AGBL5: variants seen among roughly 807,000 people sequenced by gnomAD.
AGBL5 encodes AGBL carboxypeptidase 5, also known as cytosolic carboxypeptidase-like protein 5.
AGBL5 carries 51 observed loss-of-function variants against 88.0 expected under a neutral mutation model. The observed-to-expected ratio is 0.58, with a 90% CI of 0.46 to 0.73. AGBL5 has a LOEUF of 0.73. AGBL5 is among the 30% of genes least tolerant of loss of function. AGBL5 has a pLI of 0.00. For missense variants in AGBL5, 1,031 were observed against 1,162.2 expected (o/e 0.89, Z 1.64); for synonymous variants, 446 against 438.8 (o/e 1.02, Z -0.21).
intron 11 of AGBL5, among the ~76,000 whole-genome samples, chr2:27,066,506 A>G (rs1668995861): frequency 6.6e-6 from 1 of 152,180 alleles, no homozygotes; most frequent in Non-Finnish European, 1.5e-5. Flanking sequence ...TTTAAGAGTA[A>G]GTAGAGCAGG....
At chr2:27,065,013 C>T (rs1035285364) in intron 11 of AGBL5, among the ~76,000 whole-genome samples, 4 of 152,000 alleles carry the variant, frequency 2.6e-5, no homozygotes, top group Non-Finnish European at 4.4e-5. Context: ...CTCAGCCTCC[C>T]AAAGTGGTGG....
At position 27,070,387 on chromosome 2, in the gene AGBL5, C is replaced by T. The variant is rs1181263814; in HGVS notation, c.*124C>T. The T allele has an allele frequency of 1.1e-5, 11 of 1,023,656 alleles. No homozygotes were observed. The highest frequency in any genetic ancestry group is 1.0e-4 in the East Asian group (4 of 39,622). The allele number at this position is 1,023,656 out of a possible 1,614,324, so 63.4% of individuals were successfully genotyped here. On this transcript the variant is annotated 3_prime_UTR_variant, in exon 15 of 15. Coordinates refer to ENST00000360131, the MANE Select transcript of AGBL5 (RefSeq NM_021831.6). ...CGTTAAGTCCTTGGAATGCCAGCCA[C>T]GCTGTCCAAGGCATTACAGAGTATC...
chr2:27,069,861 C>A (rs1027861637), intron 14 of AGBL5, 155 bp downstream of exon 14: 17 of 984,760 alleles, frequency 1.7e-5, no homozygotes, highest in Non-Finnish European at 2.0e-5. Context: ...TTTTTTTTTC[C>A]CCCACCATGG....
chr2:27,052,886 C>T, intron 1 of AGBL5, 27 bp from the exon 2 acceptor site: 5 of 1,379,998 alleles, frequency 3.6e-6, no homozygotes, highest in Non-Finnish European at 3.9e-6. Context: ...CCCTTTCCTC[C>T]TTAACCTAAC....
intron 6 of AGBL5, 88 bp downstream of exon 6, chr2:27,055,341 T>C: frequency 6.6e-7 from 1 of 1,509,970 alleles, no homozygotes; most frequent in Non-Finnish European, 9.0e-7. Flanking sequence ...TTCTGGCTTC[T>C]GTGTTCCCAG....
intron 11 of AGBL5, among the ~76,000 whole-genome samples, chr2:27,064,941 A>C (rs1420745329): frequency 1.2e-4 from 18 of 150,736 alleles, no homozygotes; most frequent in Admixed American, 1.2e-3. Context: ...TTTTAGTAGA[A>C]ACGGGGTTTC....
intron 9 of AGBL5, among the ~76,000 whole-genome samples, chr2:27,057,650 CAG>C (rs956724220): frequency 3.3e-5 from 5 of 152,260 alleles, no homozygotes; most frequent in African/African-American, 1.2e-4. Flanking sequence ...CCCCACATCA[CAG>C]AGAATCCCCT....
In AGBL5 at chr2:27,059,335, C is replaced by A. The variant is rs1376323115; in HGVS notation, c.2020C>A (p.Pro674Thr). 3.1e-6 allele frequency: 5 copies of A among 1,614,132 alleles called. No homozygotes were observed. Among genetic ancestry groups the A allele is most frequent in the East Asian group, 2.2e-5 (1 of 44,902 alleles). ...CAGCTTTCCTTTTCATGGCAGTCGG[C>A]CTGCAGGGCTGCCAGGCCTGGGCTC... ...SPSFPFHGSR[P>T]AGLPGLGSST... Residue 674 changes from proline to threonine, a missense_variant, in exon 11 of 15, where the codon CCT becomes ACT. Around this residue, in one of 2 missense-constraint regions of AGBL5, gnomAD observed 491 missense variants for 484.0 expected, o/e 1.01. Transcript: ENST00000360131.
chr2:27,065,658 C>G (rs1572832546), intron 11 of AGBL5, among the ~76,000 whole-genome samples: 1 of 152,228 alleles, frequency 6.6e-6, no homozygotes, highest in East Asian at 1.9e-4. Context: ...CTTAATTAAA[C>G]AGAAACCATG....
upstream of AGBL5, among the ~76,000 whole-genome samples, chr2:27,051,263 C>A (rs956909439): frequency 6.6e-6 from 1 of 152,158 alleles, no homozygotes; most frequent in Non-Finnish European, 1.5e-5. Context: ...CGAGAGGTAG[C>A]GGGATCGATG....
Position 27,058,534 on chromosome 2 carries a change from C to T in AGBL5, c.1806C>T (p.Gly602=). Reference sequence around the variant, plus strand: ...TGAAACATGTACGCAACAGCCGAGGCCTAAGCAGCACTCTGAATGTGGGTG... The same window carrying T: ...TGAAACATGTACGCAACAGCCGAGGTCTAAGCAGCACTCTGAATGTGGGTG... The part of the protein sequence containing the change: ...WMLKHVRNSR[G]LSSTLNVGVN... Residue 602 remains glycine (G), a synonymous_variant, in exon 10 of 15, where the codon GGC becomes GGT. Coordinates refer to ENST00000360131, the MANE Select transcript of AGBL5 (RefSeq NM_021831.6). 2 of 1,614,144 alleles carry T rather than the reference C, an allele frequency of 1.2e-6. No homozygotes were observed. The highest frequency in any genetic ancestry group is 1.7e-6 in the Non-Finnish European group (2 of 1,180,026).
At chr2:27,061,379 G>A (rs1410937392) in intron 11 of AGBL5, among the ~76,000 whole-genome samples, 1 of 152,088 alleles carries the variant, frequency 6.6e-6, no homozygotes, top group Non-Finnish European at 1.5e-5. Flanking sequence ...TGGGACTACA[G>A]GCAAACGCCA....
chr2:27,063,201 A>G (rs1050946398), intron 11 of AGBL5, among the ~76,000 whole-genome samples: 3 of 152,244 alleles, frequency 2.0e-5, no homozygotes, highest in African/African-American at 4.8e-5. Flanking sequence ...TAACACATCT[A>G]CTTATGCCCT....
At chr2:27,062,074 C>T (rs1668742638) in intron 11 of AGBL5, among the ~76,000 whole-genome samples, 1 of 151,436 alleles carries the variant, frequency 6.6e-6, no homozygotes, top group Non-Finnish European at 1.5e-5. Context: ...CTCAGCTTCC[C>T]AAAGTGCTGG....
chr2:27,068,740 T>G lies in AGBL5; in HGVS notation c.2351T>G (p.Leu784Trp), dbSNP rs748429999. The change falls in exon 13 of 15, where the codon TTG (leucine) becomes TGG (tryptophan). Residue 784 changes from leucine (L) to tryptophan (W), a missense_variant. This residue lies in a region of AGBL5 where 491 missense variants were observed against 484.0 expected (regional missense o/e 1.01). Coordinates refer to ENST00000360131, the MANE Select transcript of AGBL5 (RefSeq NM_021831.6). The part of the protein sequence containing the change: ...GARMPCIKTR[L>W]QARPRLGRGS... ...CGGATGCCCTGCATCAAGACTCGAT[T>G]GCAGGTAATATTTTTGGGTCTCCAG... 6.2e-7 allele frequency: 1 copy of G among 1,614,120 alleles called. No individual in the cohort carries two copies. The highest frequency in any genetic ancestry group is 2.2e-5 in the East Asian group (1 of 44,882).
At chr2:27,069,104 T>C (rs779935955) in intron 13 of AGBL5, 2 of 1,340,960 alleles carry the variant, frequency 1.5e-6, no homozygotes, top group South Asian at 1.2e-5. Context: ...GGTAACACAT[T>C]TGGTTGCTGC....
At position 27,060,088 on chromosome 2, in the gene AGBL5, G is replaced by T. The variant is rs185486908; in HGVS notation, c.2089+684G>T. Among the ~76,000 whole-genome samples, 8 of 152,360 alleles carry T rather than the reference G, an allele frequency of 5.3e-5. 1 individual carries two copies. The highest frequency in any genetic ancestry group is 1.9e-4 in the African/African-American group (8 of 41,590). ...CGCTTGAACCCAGGAGGCAGAAGTT[G>T]CAGTGAGCCAAGATCGTGCCACTGC... On this transcript the variant is annotated intron_variant, in intron 11 of 14. Transcript: ENST00000360131.
chr2:27,053,109 G>A lies in AGBL5; in HGVS notation c.151G>A (p.Asp51Asn). ...GACCAGTGGCATTGCCTCTTCCCCTGACTATGAATTCAACGTGTGGACCCG... is the reference window on the plus strand; with the variant it reads ...GACCAGTGGCATTGCCTCTTCCCCTAACTATGAATTCAACGTGTGGACCCG... The part of the protein sequence containing the change: ...ALTSGIASSP[D>N]YEFNVWTRPD... Residue 51 changes from aspartate (D) to asparagine (N), a missense_variant, in exon 2 of 15, where the codon GAC (aspartate) becomes AAC (asparagine). Physicochemically the swap from Asp to Asn is conservative, Grantham distance 23. Coordinates refer to ENST00000360131, the MANE Select transcript of AGBL5 (RefSeq NM_021831.6). The surrounding 1 kb of genome is among the most constrained non-coding windows in gnomAD (Gnocchi z 4.9). 1 of 1,612,964 alleles carries A rather than the reference G, an allele frequency of 6.2e-7. No individual in the cohort carries two copies. The highest frequency in any genetic ancestry group is 1.3e-5 in the African/African-American group (1 of 75,040).
chr2:27,070,300 A>C lies in AGBL5; in HGVS notation c.*37A>C. 3.1e-6 allele frequency: 5 copies of C among 1,601,338 alleles called. No individual in the cohort carries two copies. Among genetic ancestry groups the C allele is most frequent in the Non-Finnish European group, 4.3e-6 (5 of 1,168,700 alleles). The stretch of plus-strand genomic sequence containing the variant: ...TGTTCAAGCCCAGGATATAGCCCCA[A>C]GATGGGGTAACAGTGGGAAATATGC... On this transcript the variant is annotated 3_prime_UTR_variant, in exon 15 of 15. Transcript: ENST00000360131.
Sources: gnomAD v4.1 joint callset for allele counts (sites outside exome capture counted in the v4.1 genomes callset) on GRCh38, gnomAD v4.1.1 for gene constraint, gnomAD v4.1.1 regional missense constraint, Gnocchi (gnomAD v3.1) non-coding constraint, MANE v1.5 for transcripts, NCBI Gene and HGNC (gene_info 2026-07-23, HGNC 2026-07-21) for gene names.